FOXP2: variants seen among roughly 807,000 people sequenced by gnomAD.
The protein encoded by FOXP2 is forkhead box protein P2.
Under a neutral mutation model 115.8 loss-of-function variants are expected in FOXP2, and 12 were observed. The observed-to-expected ratio is 0.10, with a 90% CI of 0.07 to 0.17. The LOEUF (loss-of-function observed/expected upper bound fraction) is 0.17. FOXP2 is among the 10% of genes least tolerant of loss of function. The pLI, the probability that FOXP2 is intolerant of heterozygous loss-of-function variation, is 1.00. For synonymous variants in FOXP2, 328 were observed against 297.7 expected (o/e 1.10, Z -1.05); for missense variants, 629 against 843.5 (o/e 0.75, Z 3.15).
chr7:114,583,452 C>T (rs1199524541), intron 3 of FOXP2, among the ~76,000 whole-genome samples: 5 of 151,982 alleles, frequency 3.3e-5, no homozygotes, highest in African/African-American at 7.2e-5. Flanking sequence ...CTGAGCCTCA[C>T]GACTTTGTTT....
chr7:114,570,987 T>G (rs1465552543), intron 3 of FOXP2: 1 of 928,902 alleles, frequency 1.1e-6, no homozygotes, highest in Non-Finnish European at 1.8e-6. Context: ...TCCCTTCCAT[T>G]GGTGCAGATA....
At chr7:114,456,121 C>A (rs1795303302) in intron 2 of FOXP2, among the ~76,000 whole-genome samples, 1 of 152,158 alleles carries the variant, frequency 6.6e-6, no homozygotes, top group Admixed American at 6.5e-5. Context: ...CTAAATGTAT[C>A]TTTGTCATTG....
intron 2 of FOXP2, among the ~76,000 whole-genome samples, chr7:114,465,103 A>C (rs559404199): frequency 6.6e-6 from 1 of 152,334 alleles, no homozygotes; most frequent in South Asian, 2.1e-4. Flanking sequence ...CTAAGAGGAC[A>C]ATCTGATTCC....
chr7:114,688,249 C>CACACCT lies in FOXP2; in HGVS notation c.2004-1533_2004-1532insACACCT, dbSNP rs754486542. Among the ~76,000 whole-genome samples the CACACCT allele has an allele frequency of 2.7e-4, 32 of 116,536 alleles. No individual in the cohort carries two copies. The Admixed American group carries it at 2.8e-3, about 10-fold the overall frequency. The allele number at this position is 116,536 out of a possible 152,430, so 76.5% of individuals were successfully genotyped here. ...CACACACACACACACACACACACAT[C>CACACCT]TTTTTTTTTTTTTGGCCTAGTTTTG... On this transcript the variant is annotated intron_variant, in intron 16 of 16. Transcript: ENST00000350908.
chr7:114,137,958 G>A (rs369832014), intron 1 of FOXP2, among the ~76,000 whole-genome samples: 140 of 152,188 alleles, frequency 9.2e-4, no homozygotes, highest in Middle Eastern at 3.4e-3. Context: ...AAAAAAACAG[G>A]GATCCTTAGA....
intron 2 of FOXP2, among the ~76,000 whole-genome samples, chr7:114,312,371 T>G (rs910935984): frequency 6.6e-6 from 1 of 152,126 alleles, no homozygotes; most frequent in Non-Finnish European, 1.5e-5. Flanking sequence ...CCTCTAAACA[T>G]TATCTTAACT....
intron 1 of FOXP2, among the ~76,000 whole-genome samples, chr7:114,276,751 C>T (rs1386350673): frequency 6.6e-6 from 1 of 152,156 alleles, no homozygotes; most frequent in African/African-American, 2.4e-5. Context: ...GTGGTTTGCA[C>T]TGCATCCTGA....
intron 3 of FOXP2, among the ~76,000 whole-genome samples, chr7:114,626,638 T>A (rs984293428): frequency 1.3e-5 from 2 of 151,802 alleles, no homozygotes; most frequent in African/African-American, 4.8e-5. Flanking sequence ...CTTTTTAGTT[T>A]AATATGTCTA....
chr7:114,488,529 G>A (rs1281117332), intron 2 of FOXP2, among the ~76,000 whole-genome samples: 2 of 152,026 alleles, frequency 1.3e-5, no homozygotes, highest in Non-Finnish European at 2.9e-5. Flanking sequence ...AGAGACCACA[G>A]GATTATAACA....
At chr7:114,636,616 G>GA (rs1284401304) in intron 6 of FOXP2, among the ~76,000 whole-genome samples, 2 of 123,606 alleles carry the variant, frequency 1.6e-5, no homozygotes, top group African/African-American at 2.8e-5. Flanking sequence ...AAATGACATT[G>GA]AAAAAATCTT....
At chr7:114,554,590 A>C (rs1352696784) in intron 3 of FOXP2, among the ~76,000 whole-genome samples, 1 of 152,094 alleles carries the variant, frequency 6.6e-6, no homozygotes, top group East Asian at 1.9e-4. Context: ...TTGAAAATTT[A>C]AGTTGATTCT....
intron 1 of FOXP2, among the ~76,000 whole-genome samples, chr7:114,258,175 G>A (rs1355752165): frequency 6.6e-6 from 1 of 152,180 alleles, no homozygotes; most frequent in Non-Finnish European, 1.5e-5. Context: ...CATTAGCAAT[G>A]ATGGTGGCTT....
intron 1 of FOXP2, among the ~76,000 whole-genome samples, chr7:114,102,696 C>CCACACACACACACA (rs10624558): frequency 0.011 from 1,483 of 136,430 alleles, 21 homozygotes; most frequent in African/African-American, 0.031. Flanking sequence ...ACACCACACA[C>CCACACACACACACA]CACACACACA....
intron 5 of FOXP2, 93 bp from the exon 6 acceptor site, chr7:114,631,435 A>C (rs1804915087): frequency 6.5e-7 from 1 of 1,539,748 alleles, no homozygotes; most frequent in African/African-American, 1.4e-5. Flanking sequence ...AAACCCACTC[A>C]GGCAATGAAA....
intron 1 of FOXP2, among the ~76,000 whole-genome samples, chr7:114,279,906 A>G (rs559823425): frequency 1.3e-5 from 2 of 152,080 alleles, no homozygotes; most frequent in Admixed American, 6.5e-5. Flanking sequence ...TTTAAATATG[A>G]TGCATTTTTT....
chr7:114,129,010 T>C (rs1290548765), intron 1 of FOXP2, among the ~76,000 whole-genome samples: 1 of 152,168 alleles, frequency 6.6e-6, no homozygotes, highest in African/African-American at 2.4e-5. Context: ...CTTGGATATC[T>C]GGCTGCCAGA....
At chr7:114,590,547 A>C (rs1802391446) in intron 3 of FOXP2, among the ~76,000 whole-genome samples, 1 of 152,164 alleles carries the variant, frequency 6.6e-6, no homozygotes, top group Non-Finnish European at 1.5e-5. Context: ...AGGCAGATGT[A>C]ACTAAGACAG....
intron 1 of FOXP2, among the ~76,000 whole-genome samples, chr7:114,253,438 T>TGGG: frequency 6.6e-6 from 1 of 152,308 alleles, no homozygotes; most frequent in South Asian, 2.1e-4. Flanking sequence ...AGTCTCTTTG[T>TGGG]AGGTCTCTAA....
intron 2 of FOXP2, among the ~76,000 whole-genome samples, chr7:114,507,888 G>A (rs185898653): frequency 1.5e-4 from 23 of 151,960 alleles, no homozygotes; most frequent in African/African-American, 5.1e-4. Flanking sequence ...GGAAGAAGGA[G>A]GCAGTATATA....
Sources: gnomAD v4.1 joint callset for allele counts (sites outside exome capture counted in the v4.1 genomes callset) on GRCh38, gnomAD v4.1.1 for gene constraint, MANE v1.5 for transcripts, NCBI Gene and HGNC (gene_info 2026-07-23, HGNC 2026-07-21) for gene names.